The following IGSF21 variants were observed in gnomAD, a reference collection of about 807,000 sequenced individuals.
IGSF21 encodes immunoglobin superfamily member 21.
A neutral mutation model predicts 46.8 loss-of-function variants in IGSF21; 28 were observed. That is an observed-to-expected ratio of 0.60 (90% CI 0.44 to 0.82). The LOEUF (loss-of-function observed/expected upper bound fraction) is 0.82, where lower values mean the gene tolerates loss of function less well. IGSF21 is among the 40% of genes least tolerant of loss of function. IGSF21 has a pLI of 0.00. For synonymous variants in IGSF21, 284 were observed against 273.6 expected (o/e 1.04, Z -0.38); for missense variants, 624 against 665.5 (o/e 0.94, Z 0.69).
At chr1:18,204,907 C>G (rs751512235) in intron 1 of IGSF21, among the ~76,000 whole-genome samples, 2 of 152,158 alleles carry the variant, frequency 1.3e-5, no homozygotes, top group African/African-American at 2.4e-5. Flanking sequence ...CAAATACCTT[C>G]CTTACAGTTC....
intron 2 of IGSF21, among the ~76,000 whole-genome samples, chr1:18,250,460 T>C (rs962474726): frequency 2.6e-5 from 4 of 152,188 alleles, no homozygotes; most frequent in Non-Finnish European, 4.4e-5. Flanking sequence ...AGCCGTGTGT[T>C]CACTGTGCAG....
chr1:18,171,450 T>C (rs2086735885), intron 1 of IGSF21, among the ~76,000 whole-genome samples: 2 of 151,872 alleles, frequency 1.3e-5, no homozygotes, highest in South Asian at 4.2e-4. Context: ...TAAGTAATAA[T>C]AGGTAAGGAA....
chr1:18,164,625 G>T (rs1215352929), intron 1 of IGSF21, among the ~76,000 whole-genome samples: 1 of 152,060 alleles, frequency 6.6e-6, no homozygotes, highest in Admixed American at 6.6e-5. Flanking sequence ...TCGTGAAGGA[G>T]GTTGAGCATC....
At chr1:18,244,521 A>G (rs553800597) in intron 2 of IGSF21, among the ~76,000 whole-genome samples, 2 of 152,348 alleles carry the variant, frequency 1.3e-5, no homozygotes, top group East Asian at 1.9e-4. Context: ...TGCCGGAACA[A>G]TGGATCCCTT....
chr1:18,161,527 G>A (rs1201561171), intron 1 of IGSF21, among the ~76,000 whole-genome samples: 1 of 152,142 alleles, frequency 6.6e-6, no homozygotes, highest in African/African-American at 2.4e-5. Context: ...ATCAGGCAGA[G>A]GCCGAAGCAG....
At chr1:18,210,101 C>A (rs796620828) in intron 1 of IGSF21, among the ~76,000 whole-genome samples, 136 of 152,244 alleles carry the variant, frequency 8.9e-4, no homozygotes, top group African/African-American at 3.2e-3. Flanking sequence ...CACTCTATAA[C>A]CATGCAACTG....
intron 1 of IGSF21, among the ~76,000 whole-genome samples, chr1:18,160,403 A>G (rs907706958): frequency 1.3e-5 from 2 of 152,218 alleles, no homozygotes; most frequent in African/African-American, 4.8e-5. Flanking sequence ...GTAGGTGTTC[A>G]ACAAAAGGCA....
chr1:18,213,598 G>T (rs1370937743), intron 1 of IGSF21, among the ~76,000 whole-genome samples: 1 of 152,174 alleles, frequency 6.6e-6, no homozygotes, highest in Admixed American at 6.6e-5. Flanking sequence ...CAAACTGCAA[G>T]TACTGCCTGA....
chr1:18,292,151 A>G (rs2085274032), intron 3 of IGSF21, among the ~76,000 whole-genome samples, 164 bp downstream of exon 3: 1 of 152,180 alleles, frequency 6.6e-6, no homozygotes, highest in African/African-American at 2.4e-5. Context: ...CATTCCCTGG[A>G]GGGACATCCC....
At chr1:18,252,195 C>T (rs1047597513) in intron 2 of IGSF21, among the ~76,000 whole-genome samples, 11 of 151,770 alleles carry the variant, frequency 7.2e-5, no homozygotes, top group South Asian at 2.1e-4. Context: ...GGACTACAGG[C>T]GCCTGCCACC....
At chr1:18,284,987 T>C (rs533980712) in intron 2 of IGSF21, among the ~76,000 whole-genome samples, 1 of 152,304 alleles carries the variant, frequency 6.6e-6, no homozygotes, top group East Asian at 1.9e-4. Context: ...GTTGGGATAA[T>C]GTAGACAGGC....
chr1:18,294,141 C>T (rs1236380276), intron 3 of IGSF21, among the ~76,000 whole-genome samples: 1 of 152,226 alleles, frequency 6.6e-6, no homozygotes, highest in East Asian at 1.9e-4. Flanking sequence ...GCCTCTTCCA[C>T]ATCCTGGCAT....
At chr1:18,121,109 C>A (rs933888031) in intron 1 of IGSF21, among the ~76,000 whole-genome samples, 1 of 152,204 alleles carries the variant, frequency 6.6e-6, no homozygotes, top group African/African-American at 2.4e-5. Flanking sequence ...AAGCTGTCTC[C>A]TTCCAAATGG....
At chr1:18,240,534 G>C (rs1420757440) in intron 2 of IGSF21, among the ~76,000 whole-genome samples, 1 of 152,198 alleles carries the variant, frequency 6.6e-6, no homozygotes, top group East Asian at 1.9e-4. Context: ...CAGTGACCAG[G>C]TGTCCTGTTT....
chr1:18,182,140 G>A (rs987055728), intron 1 of IGSF21, among the ~76,000 whole-genome samples: 1 of 148,474 alleles, frequency 6.7e-6, no homozygotes, highest in African/African-American at 2.5e-5. Flanking sequence ...CCACCACAAA[G>A]TGGAAAGTCT....
chr1:18,327,122 C>T (rs532198104), intron 3 of IGSF21, among the ~76,000 whole-genome samples: 2 of 152,248 alleles, frequency 1.3e-5, no homozygotes, highest in South Asian at 4.2e-4. Flanking sequence ...CCTCTCCAAG[C>T]CTTTTGATCC....
chr1:18,265,517 G>T (rs1458552908), intron 2 of IGSF21, among the ~76,000 whole-genome samples: 1 of 152,190 alleles, frequency 6.6e-6, no homozygotes, highest in Non-Finnish European at 1.5e-5. Flanking sequence ...CATAAATCCA[G>T]CTCAAACCCA....
chr1:18,213,376 G>A (rs1000912161), intron 1 of IGSF21, among the ~76,000 whole-genome samples: 4 of 152,152 alleles, frequency 2.6e-5, no homozygotes, highest in Admixed American at 6.5e-5. Context: ...GGCTTTTGGG[G>A]ACCATAGGAG....
At chr1:18,203,354 G>A (rs1014534946) in intron 1 of IGSF21, among the ~76,000 whole-genome samples, 3 of 152,150 alleles carry the variant, frequency 2.0e-5, no homozygotes, top group Non-Finnish European at 4.4e-5. Flanking sequence ...TGTCGCCAAG[G>A]CTGGAGTGCA....
Sources: allele counts gnomAD v4.1 joint callset (sites outside exome capture counted in the v4.1 genomes callset), GRCh38; gene constraint gnomAD v4.1.1; transcripts MANE v1.5; gene names NCBI Gene and HGNC (gene_info 2026-07-23, HGNC 2026-07-21).